PRDX6: variants seen among roughly 807,000 people sequenced by gnomAD.
The protein encoded by PRDX6 is peroxiredoxin 6, also known as peroxiredoxin-6.
PRDX6 carries 13 observed loss-of-function variants against 20.0 expected under a neutral mutation model. The ratio of observed to expected loss-of-function variants is 0.65; its 90% confidence interval spans 0.42 to 1.03. PRDX6 has a LOEUF of 1.03. Among genes scored for constraint, PRDX6 ranks in the 50% least tolerant of loss-of-function variants. The pLI is 0.00. For missense variants in PRDX6, 203 were observed against 276.9 expected, an observed-to-expected ratio of 0.73 and a Z score of 1.89; for synonymous variants, 85 against 100.8, an observed-to-expected ratio of 0.84 and a Z score of 0.94.
rs565615395 is a variant in PRDX6, at chr1:173,482,390, G to C, written c.252+908G>C. 5.3e-5 allele frequency among the ~76,000 whole-genome samples: 8 copies of C among 152,264 alleles called. No individual in the cohort carries two copies. In the South Asian group the frequency reaches 6.2e-4, roughly 12 times the overall value. On this transcript the variant is annotated intron_variant, in intron 2 of 4. Coordinates refer to ENST00000340385, the MANE Select transcript of PRDX6 (RefSeq NM_004905.3). ...TTAGTTTGTTTGTTTCTTCCTAGTA[G>C]AGTATAAACTCAGCAGGAACAGAGA...
At chr1:173,477,578 C>G in intron 1 of PRDX6, 86 bp downstream of exon 1, 2 of 1,170,804 alleles carry the variant, frequency 1.7e-6, no homozygotes, top group Non-Finnish European at 2.4e-6. Context: ...CTGCCGTCCT[C>G]CCGGCCGCTC....
Position 173,486,338 on chromosome 1 carries a change from C to T in PRDX6, c.483C>T (p.Leu161=), listed in dbSNP as rs1158885829. Residue 161 remains leucine (L), a synonymous_variant, in exon 4 of 5, where the codon CTC becomes CTT. Coordinates refer to ENST00000340385, the MANE Select transcript of PRDX6 (RefSeq NM_004905.3). Reference sequence around the variant, plus strand: ...CTGGCAGGAACTTTGATGAGATTCTCAGGGTAGTCATCTCTCTCCAGCTGA... The same window carrying T: ...CTGGCAGGAACTTTGATGAGATTCTTAGGGTAGTCATCTCTCTCCAGCTGA... The part of the protein sequence containing the change: ...ATTGRNFDEI[L]RVVISLQLTA... The T allele has an allele frequency of 6.2e-7, 1 of 1,612,696 alleles. No homozygotes were observed.
At chr1:173,485,215 C>T in intron 2 of PRDX6, 146 bp from the exon 3 acceptor site, 1 of 683,450 alleles carries the variant, frequency 1.5e-6, no homozygotes, top group South Asian at 2.2e-5. Flanking sequence ...TGTTCATCTA[C>T]TCACTTTTTA....
At chr1:173,484,723 T>A (rs1327587329) in intron 2 of PRDX6, among the ~76,000 whole-genome samples, 1 of 152,160 alleles carries the variant, frequency 6.6e-6, no homozygotes, top group Non-Finnish European at 1.5e-5. Context: ...AAATGCTTTG[T>A]TTTCTCTTTG....
rs1488940456 is a variant in PRDX6 at position 173,485,642 on chromosome 1, T to C, written c.399+135T>C. Reference sequence around the variant, plus strand: ...AACTGTGTATTGGCGACAATATCACTGATTATCTGTAATGCTGATGCAATT... The same window carrying C: ...AACTGTGTATTGGCGACAATATCACCGATTATCTGTAATGCTGATGCAATT... On this transcript the variant is annotated intron_variant, in intron 3 of 4. Coordinates refer to ENST00000340385, the MANE Select transcript of PRDX6 (RefSeq NM_004905.3). 3.7e-6 allele frequency: 3 copies of C among 821,788 alleles called. No individual in the cohort carries two copies. The African/African-American group carries it at 5.3e-5, about 14-fold the overall frequency. 50.9% of individuals were successfully genotyped at this position (821,788 alleles called of 1,614,324 possible). A position where few individuals can be genotyped will look rare whatever the true frequency, so the allele number is the denominator to read the frequency against.
At chr1:173,487,180 G>A (rs2101860367) in intron 4 of PRDX6, among the ~76,000 whole-genome samples, 1 of 152,290 alleles carries the variant, frequency 6.6e-6, no homozygotes, top group Non-Finnish European at 1.5e-5. Flanking sequence ...AGCACAGATG[G>A]GGAGAATAAC....
chr1:173,484,073 C>T lies in PRDX6; in HGVS notation c.253-1288C>T, dbSNP rs558534106. Among the ~76,000 whole-genome samples, 583 of 143,664 alleles carry T rather than the reference C, an allele frequency of 4.1e-3. 6 individuals are homozygous for T. The highest frequency in any genetic ancestry group is 0.014 in the African/African-American group (549 of 38,266). 94.2% of individuals were successfully genotyped at this position (143,664 alleles called of 152,430 possible). Reference sequence around the variant, plus strand: ...AGCCAAGGTTGCGGTGAGCCAAGTTCGCACCAGTGCACTCCAGCCTGGGCG... The same window carrying T: ...AGCCAAGGTTGCGGTGAGCCAAGTTTGCACCAGTGCACTCCAGCCTGGGCG... On this transcript the variant is annotated intron_variant, in intron 2 of 4. Transcript: ENST00000340385.
rs1197322393 is a variant in PRDX6, at chr1:173,488,429, A to G, written c.*566A>G. On this transcript the variant is annotated 3_prime_UTR_variant, in exon 5 of 5. Transcript: ENST00000340385. ...CATATTCTTTTAATACATCTTGATC[A>G]CAGCTGGGGGAAAAAAAGCTTTTTA... 1 of 152,206 alleles carries G rather than the reference A, an allele frequency of 6.6e-6. No homozygotes were observed. The highest frequency in any genetic ancestry group is 1.9e-4 in the East Asian group (1 of 5,198). 9.4% of individuals were successfully genotyped at this position (152,206 alleles called of 1,614,324 possible).
chr1:173,485,945 A>G (rs1471513269), intron 3 of PRDX6, among the ~76,000 whole-genome samples: 1 of 152,182 alleles, frequency 6.6e-6, no homozygotes, highest in Non-Finnish European at 1.5e-5. Flanking sequence ...ATCAACTCCC[A>G]TTAGTATTAT....
At chr1:173,484,138 T>TTATATATATATATATTTA (rs1553242243) in intron 2 of PRDX6, among the ~76,000 whole-genome samples, 1 of 86,930 alleles carries the variant, frequency 1.2e-5, no homozygotes, top group East Asian at 3.6e-4. Context: ...AAAAAAAAAA[T>TTATATATATATATATTTA]TAGATATATA....
intron 3 of PRDX6, 88 bp downstream of exon 3, chr1:173,485,595 G>A: frequency 8.3e-7 from 1 of 1,200,054 alleles, no homozygotes; most frequent in Non-Finnish European, 1.1e-6. Context: ...AGGAGATAGG[G>A]GAATATCTAC....
Position 173,487,969 on chromosome 1 carries a change from T to G in PRDX6, c.*106T>G. Reference sequence around the variant, plus strand: ...TCCTGGTGTCATCACAGCCAAGGTTTTTAGGTTGCTATACCAATGGCTTAT... The same window carrying G: ...TCCTGGTGTCATCACAGCCAAGGTTGTTAGGTTGCTATACCAATGGCTTAT... On this transcript the variant is annotated 3_prime_UTR_variant, in exon 5 of 5. Transcript: ENST00000340385. The G allele has an allele frequency of 7.0e-7, 1 of 1,420,182 alleles. No individual in the cohort carries two copies. The allele number at this position is 1,420,182 out of a possible 1,614,324, so 88.0% of individuals were successfully genotyped here.
chr1:173,481,573 A>G, intron 2 of PRDX6, 91 bp downstream of exon 2: 1 of 1,331,104 alleles, frequency 7.5e-7, no homozygotes, highest in Non-Finnish European at 1.1e-6. Context: ...AGGTACAAGT[A>G]AGCCTTAGGT....
chr1:173,477,827 G>A (rs2101855417), intron 1 of PRDX6, among the ~76,000 whole-genome samples: 1 of 152,366 alleles, frequency 6.6e-6, no homozygotes, highest in Admixed American at 6.5e-5. Flanking sequence ...CACCGCCCGC[G>A]GGAGGGTTTG....
At position 173,485,572 on chromosome 1, in the gene PRDX6, T is replaced by G. The variant is rs1280570732; in HGVS notation, c.399+65T>G. The G allele has an allele frequency of 4.3e-6, 6 of 1,392,974 alleles. 1 individual carries two copies. The Admixed American group carries it at 7.2e-5, about 17-fold the overall frequency. The allele number at this position is 1,392,974 out of a possible 1,614,324, so 86.3% of individuals were successfully genotyped here. A position where few individuals can be genotyped will look rare whatever the true frequency, so the allele number is the denominator to read the frequency against. ...TCAGGCTGTATGTCCGTGTAAATGC[T>G]GGTACCAGCTAGAGGAGATAGGGGA... On this transcript the variant is annotated intron_variant, in intron 3 of 4. Transcript: ENST00000340385.
intron 1 of PRDX6, among the ~76,000 whole-genome samples, chr1:173,479,280 T>A (rs1241752621): frequency 6.6e-6 from 1 of 152,212 alleles, no homozygotes; most frequent in Admixed American, 6.5e-5. Context: ...TTAACTAATA[T>A]ACAAGTCTGC....
At position 173,477,342 on chromosome 1, in the gene PRDX6, C is replaced by G. The variant is rs1658708274; in HGVS notation, c.-56C>G. On this transcript the variant is annotated 5_prime_UTR_variant, in exon 1 of 5. Coordinates refer to ENST00000340385, the MANE Select transcript of PRDX6 (RefSeq NM_004905.3). ...CGCGCGCTGGGACAGGCTGCTTCTT[C>G]GCCAGAACCAACCGGTTGCTTGCTG... 3.8e-6 allele frequency: 5 copies of G among 1,328,264 alleles called. No individual in the cohort carries two copies. Among genetic ancestry groups the G allele is most frequent in the Non-Finnish European group, 4.2e-6 (4 of 962,604 alleles). 82.3% of individuals were successfully genotyped at this position (1,328,264 alleles called of 1,614,324 possible).
chr1:173,479,041 C>T (rs1051053944), intron 1 of PRDX6, among the ~76,000 whole-genome samples: 4 of 152,118 alleles, frequency 2.6e-5, no homozygotes, highest in African/African-American at 9.7e-5. Flanking sequence ...ATCCCCCATC[C>T]CCATGAAACA....
chr1:173,477,627 C>T lies in PRDX6; in HGVS notation c.95+135C>T, dbSNP rs553115395. Reference sequence around the variant, plus strand: ...GCCCTCGCCTTCCCCCGCACTGGTTCCGGCGCGCGCCAGGCCGTGTGGCCT... The same window carrying T: ...GCCCTCGCCTTCCCCCGCACTGGTTTCGGCGCGCGCCAGGCCGTGTGGCCT... On this transcript the variant is annotated intron_variant, in intron 1 of 4. Coordinates refer to ENST00000340385, the MANE Select transcript of PRDX6 (RefSeq NM_004905.3). The T allele has an allele frequency of 2.2e-5, 16 of 718,740 alleles. No homozygotes were observed. In the African/African-American group the frequency reaches 2.4e-4, roughly 11 times the overall value. The allele number at this position is 718,740 out of a possible 1,614,324, so 44.5% of individuals were successfully genotyped here. A position where few individuals can be genotyped will look rare whatever the true frequency, so the allele number is the denominator to read the frequency against.
Sources: gnomAD v4.1 joint callset for allele counts (sites outside exome capture counted in the v4.1 genomes callset) on GRCh38, gnomAD v4.1.1 for gene constraint, MANE v1.5 for transcripts, NCBI Gene and HGNC (gene_info 2026-07-23, HGNC 2026-07-21) for gene names.